The following EAPP variants were observed in gnomAD, a reference collection of about 807,000 sequenced individuals.
The protein encoded by EAPP is E2F-associated phosphoprotein.
A neutral mutation model predicts 34.3 loss-of-function variants in EAPP; 38 were observed. That is an observed-to-expected ratio of 1.11 (90% CI 0.85 to 1.45). The LOEUF (loss-of-function observed/expected upper bound fraction) is 1.45, where lower values mean the gene tolerates loss of function less well. EAPP is among the 40% of genes most tolerant of loss of function. The pLI, the probability that EAPP is intolerant of heterozygous loss-of-function variation, is 0.00. For missense variants in EAPP, 338 were observed against 343.7 expected (o/e 0.98, Z 0.13); for synonymous variants, 113 against 117.6 (o/e 0.96, Z 0.25).
rs1712007146 is a variant in EAPP at position 34,536,100 on chromosome 14, C to T, written c.250G>A (p.Gly84Arg). ...KTMEDKLSSL[G>R]TGSSSGNGKV... The stretch of plus-strand genomic sequence containing the variant: ...AATTGAACCAAAAGTTTACCAGTTC[C>T]CAGAGAGGATAACTTGTCCTCCATT... The change falls in exon 2 of 6, where the codon GGA becomes AGA. Residue 84 changes from glycine (G) to arginine (R), a missense_variant. By Grantham distance (125) the Gly-to-Arg change is moderately radical (BLOSUM62 -2). Coordinates refer to ENST00000250454, the MANE Select transcript of EAPP (RefSeq NM_018453.4). 6.2e-7 allele frequency: 1 copy of T among 1,606,794 alleles called. No homozygotes were observed.
intron 5 of EAPP, among the ~76,000 whole-genome samples, chr14:34,521,913 C>A (rs149458522): frequency 1.3e-5 from 2 of 152,028 alleles, no homozygotes; most frequent in African/African-American, 4.8e-5. Context: ...GGATTACAGG[C>A]GTGAGCCACT....
chr14:34,533,405 T>C (rs528993222), intron 3 of EAPP, 39 bp downstream of exon 3: 2 of 1,513,234 alleles, frequency 1.3e-6, no homozygotes, highest in Non-Finnish European at 1.8e-6. Flanking sequence ...ACCTTTTTTA[T>C]AAAATATAAC....
chr14:34,516,910 A>G (rs1879751095), intron 5 of EAPP, among the ~76,000 whole-genome samples: 1 of 149,640 alleles, frequency 6.7e-6, no homozygotes, highest in African/African-American at 2.5e-5. Flanking sequence ...GAAGAAATGT[A>G]TCCTCTTTCC....
rs1880474124 is a variant in EAPP at position 34,536,351 on chromosome 14, TC to T, written c.75-77del. On this transcript the variant is annotated intron_variant, in intron 1 of 5. Coordinates refer to ENST00000250454, the MANE Select transcript of EAPP (RefSeq NM_018453.4). ...ATTTTAAACTCCCAGCATCTCACTG[TC>T]CAACAACAATTTTAAGTATTACATG... 1.0e-5 allele frequency: 12 copies of T among 1,163,260 alleles called. No individual in the cohort carries two copies. The East Asian group carries it at 3.2e-4, about 31-fold the overall frequency. The allele number at this position is 1,163,260 out of a possible 1,614,324, so 72.1% of individuals were successfully genotyped here.
chr14:34,531,344 T>C (rs1004447155), intron 3 of EAPP, among the ~76,000 whole-genome samples: 10 of 151,848 alleles, frequency 6.6e-5, no homozygotes, highest in African/African-American at 2.4e-4. Flanking sequence ...GGCTCATGCC[T>C]GTAATCCCAG....
chr14:34,526,977 C>T (rs1880117365), intron 4 of EAPP, among the ~76,000 whole-genome samples: 1 of 151,858 alleles, frequency 6.6e-6, no homozygotes, highest in South Asian at 2.1e-4. Flanking sequence ...TCGAGACCAG[C>T]CTGACCAACA....
chr14:34,524,541 A>G, intron 5 of EAPP, 156 bp downstream of exon 5: 2 of 597,112 alleles, frequency 3.3e-6, no homozygotes, highest in Non-Finnish European at 2.9e-6. Flanking sequence ...GCTTGAACCC[A>G]CGGGGCGGAG....
In EAPP at chr14:34,539,543, G is replaced by T; in HGVS notation, c.74+12C>A. 6.2e-7 allele frequency: 1 copy of T among 1,605,026 alleles called. No individual in the cohort carries two copies. On this transcript the variant is annotated intron_variant, in intron 1 of 5. Coordinates refer to ENST00000250454, the MANE Select transcript of EAPP (RefSeq NM_018453.4). ...CCAAATCCTCGGGGGCCAGGGTGGG[G>T]CGGGAGCCCACCTGCTCAAAGCCGG...
At chr14:34,523,460 C>T (rs1189576279) in intron 5 of EAPP, among the ~76,000 whole-genome samples, 4 of 151,118 alleles carry the variant, frequency 2.6e-5, no homozygotes, top group Non-Finnish European at 5.9e-5. Context: ...CTCCTGACCT[C>T]GTGATCCGCC....
At chr14:34,539,453 G>A (rs1880587500) in intron 1 of EAPP, 102 bp downstream of exon 1, 3 of 1,301,316 alleles carry the variant, frequency 2.3e-6, no homozygotes, top group Middle Eastern at 1.8e-4. Context: ...AGGCTCCCGA[G>A]CCGCTAGGGT....
Position 34,533,482 on chromosome 14 carries a change from A to G in EAPP, c.314T>C (p.Ile105Thr), listed in dbSNP as rs780616368. The G allele has an allele frequency of 8.7e-6, 14 of 1,611,432 alleles. No individual in the cohort carries two copies. The highest frequency in any genetic ancestry group is 4.4e-5 in the South Asian group (4 of 90,600). Reference protein sequence around the residue: ...ATAPTRYYDDIYFDSDSEDED... With the variant: ...ATAPTRYYDDTYFDSDSEDED... Reference sequence around the variant, plus strand: ...ATCCTCGGAATCAGAATCAAAATATATATCATCGTAGTACCTTGTCGGAGC... The same window carrying G: ...ATCCTCGGAATCAGAATCAAAATATGTATCATCGTAGTACCTTGTCGGAGC... Residue 105 changes from isoleucine to threonine, a missense_variant, in exon 3 of 6, where the codon ATA (isoleucine) becomes ACA (threonine). Ile to Thr is a moderately conservative substitution (Grantham distance 89). Coordinates refer to ENST00000250454, the MANE Select transcript of EAPP (RefSeq NM_018453.4).
At chr14:34,531,056 G>C (rs1880273141) in intron 3 of EAPP, among the ~76,000 whole-genome samples, 1 of 151,662 alleles carries the variant, frequency 6.6e-6, no homozygotes, top group Non-Finnish European at 1.5e-5. Context: ...TGTAATCCCA[G>C]AACTTTGGGA....
At chr14:34,516,902 A>G (rs1886361787) in intron 5 of EAPP, among the ~76,000 whole-genome samples, 1 of 151,542 alleles carries the variant, frequency 6.6e-6, no homozygotes, top group South Asian at 2.1e-4. Flanking sequence ...AGTGTAAGGA[A>G]GAAATGTATC....
intron 5 of EAPP, among the ~76,000 whole-genome samples, chr14:34,518,154 A>G (rs896561546): frequency 3.3e-5 from 5 of 151,432 alleles, no homozygotes; most frequent in Admixed American, 6.6e-5. Context: ...ATTTGGGTGA[A>G]ATGTTCTGTA....
intron 4 of EAPP, among the ~76,000 whole-genome samples, chr14:34,527,373 G>C (rs1880131342): frequency 6.6e-6 from 1 of 152,028 alleles, no homozygotes; most frequent in Non-Finnish European, 1.5e-5. Context: ...TGAGGTGGGA[G>C]GAGTGCTTGA....
intron 3 of EAPP, 109 bp downstream of exon 3, chr14:34,533,335 G>T: frequency 1.1e-6 from 1 of 901,742 alleles, no homozygotes; most frequent in Non-Finnish European, 1.7e-6. Context: ...ATGCCTAGCT[G>T]TAATTTCTTA....
At chr14:34,537,845 C>G (rs1030563271) in intron 1 of EAPP, among the ~76,000 whole-genome samples, 1 of 152,164 alleles carries the variant, frequency 6.6e-6, no homozygotes, top group Non-Finnish European at 1.5e-5. Flanking sequence ...CTCATGTCTT[C>G]GGTCAGCTAC....
intron 2 of EAPP, among the ~76,000 whole-genome samples, chr14:34,534,473 A>G (rs1366762528): frequency 2.0e-5 from 3 of 152,178 alleles, no homozygotes; most frequent in Non-Finnish European, 4.4e-5. Flanking sequence ...GGTCAGGTAC[A>G]TTTTACATAA....
chr14:34,536,614 A>G (rs1233458685), intron 1 of EAPP, among the ~76,000 whole-genome samples: 5 of 151,660 alleles, frequency 3.3e-5, no homozygotes. Flanking sequence ...ACAGGCACAT[A>G]CCACCATTCC....
Sources: allele counts gnomAD v4.1 joint callset (sites outside exome capture counted in the v4.1 genomes callset), GRCh38; gene constraint gnomAD v4.1.1; transcripts MANE v1.5; gene names NCBI Gene and HGNC (gene_info 2026-07-23, HGNC 2026-07-21).